ALPK2: variants seen among roughly 807,000 people sequenced by gnomAD.
ALPK2 encodes alpha kinase 2, also known as alpha-protein kinase 2.
Under a neutral mutation model 163.1 loss-of-function variants are expected in ALPK2, and 127 were observed. The observed-to-expected ratio is 0.78, with a 90% confidence interval of 0.67 to 0.90. The LOEUF is 0.90. ALPK2 is among the 40% of genes least tolerant of loss of function. The pLI, the probability that ALPK2 is intolerant of heterozygous loss-of-function variation, is 0.00. For missense variants in ALPK2, 2,360 were observed against 2,589.6 expected (o/e 0.91, Z 1.92); for synonymous variants, 953 against 959.1 (o/e 0.99, Z 0.12).
Position 58,579,075 on chromosome 18 carries a change from G to T in ALPK2, c.1701C>A (p.Ala567=). The T allele has an allele frequency of 6.2e-7, 1 of 1,614,186 alleles. No homozygotes were observed. Among genetic ancestry groups the T allele is most frequent in the Non-Finnish European group, 8.5e-7 (1 of 1,180,026 alleles). Residue 567 remains alanine, a synonymous_variant, in exon 4 of 13, where the codon GCC becomes GCA. Coordinates refer to ENST00000361673, the MANE Select transcript of ALPK2 (RefSeq NM_052947.4). ...TTEGTLHLCS[A]KESAEPPLTQ... ...TTAGTGGGGGCTCAGCAGATTCTTT[G>T]GCAGAGCAGAGATGAAGGGTACCTT...
chr18:58,526,323 C>G (rs1031672686), intron 6 of ALPK2, among the ~76,000 whole-genome samples: 1 of 152,164 alleles, frequency 6.6e-6, no homozygotes, highest in Non-Finnish European at 1.5e-5. Context: ...TCATCCATCA[C>G]CAGCCCTAAG....
chr18:58,548,331 T>TG (rs1237057329), intron 4 of ALPK2, among the ~76,000 whole-genome samples: 6 of 151,704 alleles, frequency 4.0e-5, no homozygotes, highest in East Asian at 1.9e-4. Context: ...TGTTTTGTTT[T>TG]TTTTTTTTCT....
chr18:58,571,520 AAGCT>A (rs771413735), intron 4 of ALPK2, among the ~76,000 whole-genome samples: 14 of 152,114 alleles, frequency 9.2e-5, no homozygotes, highest in Non-Finnish European at 2.9e-5. Context: ...CTAAAACATA[AAGCT>A]ATAAAACCTA....
rs185455282 is a variant in ALPK2 at position 58,611,809 on chromosome 18, G to A, written c.-12C>T. The A allele has an allele frequency of 6.4e-4, 955 of 1,498,104 alleles. 10 individuals carry two copies. In the East Asian group the frequency reaches 0.012, roughly 18 times the overall value. The allele number at this position is 1,498,104 out of a possible 1,614,324, so 92.8% of individuals were successfully genotyped here. A position where few individuals can be genotyped will look rare whatever the true frequency, so the allele number is the denominator to read the frequency against. On this transcript the variant is annotated 5_prime_UTR_variant, in exon 2 of 13. Coordinates refer to ENST00000361673, the MANE Select transcript of ALPK2 (RefSeq NM_052947.4). ...TCGGAGTCTTTCATCCTTTCATGCCGCACCAAATCTGAAAAAAAAAAAAAT... is the reference window on the plus strand; with the variant it reads ...TCGGAGTCTTTCATCCTTTCATGCCACACCAAATCTGAAAAAAAAAAAAAT...
At chr18:58,592,370 C>T (rs2052018854) in intron 3 of ALPK2, among the ~76,000 whole-genome samples, 1 of 152,156 alleles carries the variant, frequency 6.6e-6, no homozygotes, top group Admixed American at 6.5e-5. Flanking sequence ...GTGGTTAGGA[C>T]AGGAGAGGTC....
At chr18:58,603,817 A>G (rs548560352) in intron 3 of ALPK2, among the ~76,000 whole-genome samples, 1 of 152,276 alleles carries the variant, frequency 6.6e-6, no homozygotes, top group South Asian at 2.1e-4. Context: ...TTTGGAAAAA[A>G]AAAAAATTCT....
At chr18:58,566,888 A>G (rs2051856629) in intron 4 of ALPK2, among the ~76,000 whole-genome samples, 1 of 152,222 alleles carries the variant, frequency 6.6e-6, no homozygotes, top group Non-Finnish European at 1.5e-5. Context: ...GAGTCTTTAC[A>G]GAAATGCCTC....
At chr18:58,498,158 GC>G in intron 11 of ALPK2, 61 bp from the exon 12 acceptor site, 11 of 1,516,942 alleles carry the variant, frequency 7.3e-6, no homozygotes, top group Non-Finnish European at 1.0e-5. Context: ...AGGAAGTTGG[GC>G]CATCTAGCCC....
At chr18:58,517,700 C>T (rs1255823564) in intron 8 of ALPK2, among the ~76,000 whole-genome samples, 1 of 150,808 alleles carries the variant, frequency 6.6e-6, no homozygotes, top group Non-Finnish European at 1.5e-5. Flanking sequence ...TATATTTGTT[C>T]TTTATACAGA....
At chr18:58,487,092 C>T (rs1040024933) in intron 12 of ALPK2, among the ~76,000 whole-genome samples, 1 of 152,216 alleles carries the variant, frequency 6.6e-6, no homozygotes, top group South Asian at 2.1e-4. Flanking sequence ...GAGTAGCATC[C>T]TTGCCCACCC....
chr18:58,547,753 C>A (rs926975846), intron 4 of ALPK2, among the ~76,000 whole-genome samples: 2 of 152,194 alleles, frequency 1.3e-5, no homozygotes, highest in Non-Finnish European at 2.9e-5. Context: ...CCCCCTTGGG[C>A]CTATGGATAT....
intron 4 of ALPK2, among the ~76,000 whole-genome samples, chr18:58,550,957 A>G (rs1224056458): frequency 6.6e-6 from 1 of 150,606 alleles, no homozygotes; most frequent in Non-Finnish European, 1.5e-5. Flanking sequence ...CCCCACCTCC[A>G]TCACATACAA....
At chr18:58,600,027 C>CT (rs1166291584) in intron 3 of ALPK2, among the ~76,000 whole-genome samples, 7,682 of 66,586 alleles carry the variant, frequency 0.12, 1,665 homozygotes, top group African/African-American at 0.15. Flanking sequence ...ATGGGGATAT[C>CT]TTTTTTTTTT....
At chr18:58,587,703 C>T (rs1265593124) in intron 3 of ALPK2, among the ~76,000 whole-genome samples, 1 of 151,738 alleles carries the variant, frequency 6.6e-6, no homozygotes, top group African/African-American at 2.4e-5. Flanking sequence ...TTTAGGAACA[C>T]AAAGAGAAAA....
At chr18:58,594,989 T>G (rs545862460) in intron 3 of ALPK2, among the ~76,000 whole-genome samples, 1 of 152,204 alleles carries the variant, frequency 6.6e-6, no homozygotes, top group Non-Finnish European at 1.5e-5. Context: ...TGTCATCACA[T>G]CTCTGTTCAG....
intron 11 of ALPK2, among the ~76,000 whole-genome samples, chr18:58,499,498 G>T (rs1186252740): frequency 6.6e-6 from 1 of 152,150 alleles, no homozygotes; most frequent in African/African-American, 2.4e-5. Flanking sequence ...CCCAGAGTGT[G>T]GATTCCCTCT....
intron 1 of ALPK2, 28 bp from the exon 2 acceptor site, chr18:58,611,845 A>C: frequency 7.4e-7 from 1 of 1,345,536 alleles, no homozygotes; most frequent in Non-Finnish European, 1.0e-6. Context: ...CCCCGACATC[A>C]CCATTTGTTC....
At chr18:58,507,382 C>T (rs1267042361) in intron 10 of ALPK2, among the ~76,000 whole-genome samples, 2 of 152,172 alleles carry the variant, frequency 1.3e-5, no homozygotes, top group African/African-American at 4.8e-5. Flanking sequence ...GGTTTTGAAT[C>T]AGGATCTTTA....
At chr18:58,553,850 G>GTTTTTTTTTTTTTTTTTTTTTTTTTTT (rs71173061) in intron 4 of ALPK2, among the ~76,000 whole-genome samples, 1 of 73,994 alleles carries the variant, frequency 1.4e-5, no homozygotes, top group Non-Finnish European at 2.3e-5. Context: ...TTTTTTTTTG[G>GTTTTTTTTTTTTTTTTTTTTTTTTTTT]TTTTTTTTTT....
Sources: allele counts gnomAD v4.1 joint callset (sites outside exome capture counted in the v4.1 genomes callset), GRCh38; gene constraint gnomAD v4.1.1; transcripts MANE v1.5; gene names NCBI Gene and HGNC (gene_info 2026-07-23, HGNC 2026-07-21).